The following SLC13A4 variants were observed in gnomAD, a reference collection of about 807,000 sequenced individuals.
SLC13A4 encodes the protein solute carrier family 13 member 4.
A neutral mutation model predicts 72.7 loss-of-function variants in SLC13A4; 28 were observed. The ratio of observed to expected loss-of-function variants is 0.39; its 90% CI spans 0.29 to 0.53. SLC13A4 has a LOEUF of 0.53. SLC13A4 is among the 20% of genes least tolerant of loss of function. The pLI, the probability that SLC13A4 is intolerant of heterozygous loss-of-function variation, is 0.78. For missense variants in SLC13A4, 653 were observed against 788.0 expected (o/e 0.83, Z 2.05); for synonymous variants, 312 against 325.5 (o/e 0.96, Z 0.45).
intron 1 of SLC13A4, among the ~76,000 whole-genome samples, chr7:135,725,070 C>T (rs182418015): frequency 6.6e-6 from 1 of 152,290 alleles, no homozygotes; most frequent in Non-Finnish European, 1.5e-5. Context: ...CCACTGGTTC[C>T]TTATAATAGC....
chr7:135,711,142 A>G (rs1451695797), intron 2 of SLC13A4, among the ~76,000 whole-genome samples: 1 of 152,144 alleles, frequency 6.6e-6, no homozygotes, highest in Non-Finnish European at 1.5e-5. Flanking sequence ...TTGTGGCACA[A>G]CTGGAGCTTT....
intron 14 of SLC13A4, 94 bp from the exon 15 acceptor site, chr7:135,684,355 G>A: frequency 6.9e-7 from 1 of 1,454,936 alleles, no homozygotes; most frequent in East Asian, 2.4e-5. Context: ...ACTTGGTGCT[G>A]GCTAACCTTA....
chr7:135,708,022 G>C, intron 3 of SLC13A4, 92 bp downstream of exon 3: 1 of 1,485,116 alleles, frequency 6.7e-7, no homozygotes, highest in African/African-American at 1.4e-5. Flanking sequence ...CAGCTGAAGT[G>C]GACATCCCGC....
intron 2 of SLC13A4, among the ~76,000 whole-genome samples, chr7:135,716,047 T>C (rs1301770624): frequency 6.6e-6 from 1 of 152,216 alleles, no homozygotes; most frequent in Non-Finnish European, 1.5e-5. Context: ...TGGCAACTCA[T>C]GTCAGAGTTT....
chr7:135,702,439 G>T (rs974500651), intron 6 of SLC13A4: 15 of 189,708 alleles, frequency 7.9e-5, no homozygotes, highest in Non-Finnish European at 1.5e-4. Flanking sequence ...GCAGTGGCAC[G>T]ATCTGGGCTC....
chr7:135,692,068 A>G, intron 11 of SLC13A4: 1 of 500,854 alleles, frequency 2.0e-6, no homozygotes, highest in South Asian at 2.5e-5. Context: ...TAACTTTCAT[A>G]ACCACCTATG....
chr7:135,717,864 T>C (rs1375667547), intron 2 of SLC13A4, among the ~76,000 whole-genome samples: 1 of 152,048 alleles, frequency 6.6e-6, no homozygotes, highest in African/African-American at 2.4e-5. Flanking sequence ...AAGCAGGAAT[T>C]TGCCTCCTTT....
chr7:135,691,621 T>A lies in SLC13A4; in HGVS notation c.1248A>T (p.Thr416=), dbSNP rs1336521525. 1 of 1,613,678 alleles carries A rather than the reference T, an allele frequency of 6.2e-7. No homozygotes were observed. Among genetic ancestry groups the A allele is most frequent in the African/African-American group, 1.3e-5 (1 of 75,038 alleles). ...GGAGGAAGCCAAGGAAGACAGAGAC[T>A]GTGGCATCAGTACGGTAGCCTTTCC... ...FEKKGYRTDA[T]VSVFLGFLLF... is the part of the protein sequence containing the mutation. Residue 416 remains threonine, a synonymous_variant, in exon 12 of 16, where the codon ACA becomes ACT. Transcript: ENST00000682651.
chr7:135,701,903 C>T (rs1389583858), intron 6 of SLC13A4, 143 bp from the exon 7 acceptor site: 4 of 678,280 alleles, frequency 5.9e-6, no homozygotes, highest in South Asian at 4.3e-5. Context: ...GGAGCATATA[C>T]ACCAGGGCAC....
chr7:135,695,312 G>C (rs1199443752), intron 9 of SLC13A4, 56 bp downstream of exon 9: 1 of 1,608,312 alleles, frequency 6.2e-7, no homozygotes, highest in Non-Finnish European at 8.5e-7. Context: ...CCATGCCATG[G>C]CCTTTGGATC....
At chr7:135,715,857 AACAC>A (rs1445553880) in intron 2 of SLC13A4, among the ~76,000 whole-genome samples, 3 of 152,354 alleles carry the variant, frequency 2.0e-5, no homozygotes, top group Non-Finnish European at 4.4e-5. Context: ...AATAAAAACA[AACAC>A]ACACAAACCT....
At chr7:135,700,231 T>A (rs894274539) in intron 7 of SLC13A4, among the ~76,000 whole-genome samples, 1 of 152,222 alleles carries the variant, frequency 6.6e-6, no homozygotes, top group Non-Finnish European at 1.5e-5. Context: ...AACTTCAGTT[T>A]AGTTGTGGTC....
At chr7:135,716,073 G>T (rs1173163169) in intron 2 of SLC13A4, among the ~76,000 whole-genome samples, 1 of 152,056 alleles carries the variant, frequency 6.6e-6, no homozygotes, top group Non-Finnish European at 1.5e-5. Context: ...TATACAGAAC[G>T]GGAAATTCCT....
At chr7:135,715,877 A>G (rs977519324) in intron 2 of SLC13A4, among the ~76,000 whole-genome samples, 1 of 152,222 alleles carries the variant, frequency 6.6e-6, no homozygotes, top group Non-Finnish European at 1.5e-5. Flanking sequence ...AACCTAAAAT[A>G]CAGGACTAAT....
rs572072157 is a variant in SLC13A4, at chr7:135,722,273, CAAA to C, written c.100-753_100-751del. Reference sequence around the variant, plus strand: ...TGTCTCAAAAAAACAAGCAAACAAACAAAAAAAACAGTTCGTTCACATGTGAGC... The same window carrying C: ...TGTCTCAAAAAAACAAGCAAACAAACAAAAACAGTTCGTTCACATGTGAGC... On this transcript the variant is annotated intron_variant, in intron 1 of 15. Coordinates refer to ENST00000682651, the MANE Select transcript of SLC13A4 (RefSeq NM_001318192.2). Among the ~76,000 whole-genome samples, 4 of 151,196 alleles carry C rather than the reference CAAA, an allele frequency of 2.6e-5. No homozygotes were observed. The East Asian group carries it at 7.8e-4, about 29-fold the overall frequency.
At chr7:135,725,203 G>T (rs1796631092) in intron 1 of SLC13A4, among the ~76,000 whole-genome samples, 2 of 152,220 alleles carry the variant, frequency 1.3e-5, no homozygotes, top group Admixed American at 1.3e-4. Context: ...ATTTCCCCAT[G>T]TAGGACGTTT....
At position 135,699,553 on chromosome 7, in the gene SLC13A4, C is replaced by A; in HGVS notation, c.715-5G>T. Reference sequence around the variant, plus strand: ...GGTCAGGACTTGTGGCTTTTCCTAACGAAGGAAAATCAGCAAATCTGTCCA... The same window carrying A: ...GGTCAGGACTTGTGGCTTTTCCTAAAGAAGGAAAATCAGCAAATCTGTCCA... On this transcript the variant is annotated splice_polypyrimidine_tract_variant and splice_region_variant and intron_variant, in intron 7 of 15. Transcript: ENST00000682651. 1.9e-6 allele frequency: 3 copies of A among 1,588,914 alleles called. No individual in the cohort carries two copies. Among genetic ancestry groups the A allele is most frequent in the Non-Finnish European group, 2.6e-6 (3 of 1,166,282 alleles).
At chr7:135,714,389 G>T (rs1267300875) in intron 2 of SLC13A4, among the ~76,000 whole-genome samples, 1 of 152,216 alleles carries the variant, frequency 6.6e-6, no homozygotes, top group African/African-American at 2.4e-5. Flanking sequence ...AAGGGTCTGG[G>T]CTCTGAGCCA....
intron 2 of SLC13A4, among the ~76,000 whole-genome samples, chr7:135,710,138 T>C (rs1298421618): frequency 6.6e-6 from 1 of 152,154 alleles, no homozygotes. Context: ...ACAAGAACAT[T>C]TTTAACTGCA....
Sources: allele counts gnomAD v4.1 joint callset (sites outside exome capture counted in the v4.1 genomes callset), GRCh38; gene constraint gnomAD v4.1.1; transcripts MANE v1.5; gene names NCBI Gene and HGNC (gene_info 2026-07-23, HGNC 2026-07-21).